C1QTNF7: variants seen among roughly 807,000 people sequenced by gnomAD.
The protein encoded by C1QTNF7 is C1q and TNF related 7.
A neutral mutation model predicts 19.6 loss-of-function variants in C1QTNF7; 15 were observed. The ratio of observed to expected loss-of-function variants is 0.76; its 90% confidence interval spans 0.51 to 1.18. The LOEUF (loss-of-function observed/expected upper bound fraction) is 1.18, where lower values mean the gene tolerates loss of function less well. Ranked by LOEUF, C1QTNF7 falls within the 50% of genes most tolerant of loss-of-function variation. The pLI, the probability that C1QTNF7 is intolerant of heterozygous loss-of-function variation, is 0.00. For synonymous variants in C1QTNF7, 142 were observed against 137.5 expected (o/e 1.03, Z -0.23); for missense variants, 324 against 359.7 (o/e 0.90, Z 0.80).
At position 15,440,691 on chromosome 4, in the gene C1QTNF7, T is replaced by C. The variant is rs139364754; in HGVS notation, c.239-1477T>C. ...AAAGTGCTGGGATTACAGGCGTGAG[T>C]CACTGCACCCAGCCCAGAAGCAAGT... On this transcript the variant is annotated intron_variant, in intron 2 of 2. Transcript: ENST00000444304. 3.1e-3 allele frequency among the ~76,000 whole-genome samples: 477 copies of C among 151,902 alleles called. 4 individuals carry two copies. The highest frequency in any genetic ancestry group is 4.1e-3 in the Non-Finnish European group (279 of 67,918).
At chr4:15,340,896 G>A (rs890922349) in intron 1 of C1QTNF7, among the ~76,000 whole-genome samples, 12 of 152,174 alleles carry the variant, frequency 7.9e-5, no homozygotes, top group African/African-American at 2.9e-4. Flanking sequence ...CACAGGTAGG[G>A]AGCAGCGAGG....
At chr4:15,436,688 C>T (rs772706022) in intron 2 of C1QTNF7, among the ~76,000 whole-genome samples, 48 of 152,252 alleles carry the variant, frequency 3.2e-4, no homozygotes, top group African/African-American at 4.8e-4. Context: ...TAAGTTGGTC[C>T]GGGAAGCTTG....
At chr4:15,415,143 C>A (rs1719550936) in intron 1 of C1QTNF7, among the ~76,000 whole-genome samples, 1 of 152,176 alleles carries the variant, frequency 6.6e-6, no homozygotes, top group African/African-American at 2.4e-5. Context: ...TGTCTAAAAT[C>A]CAAGACTCTT....
At chr4:15,387,048 A>G (rs1481259359) in intron 1 of C1QTNF7, among the ~76,000 whole-genome samples, 2 of 152,098 alleles carry the variant, frequency 1.3e-5, no homozygotes, top group Non-Finnish European at 2.9e-5. Context: ...GAAAGGAAGG[A>G]AGGTGGCAGC....
At chr4:15,356,427 A>T (rs1265197330) in intron 1 of C1QTNF7, among the ~76,000 whole-genome samples, 1 of 152,006 alleles carries the variant, frequency 6.6e-6, no homozygotes, top group African/African-American at 2.4e-5. Flanking sequence ...AAGGACATGA[A>T]CTCACCCTTT....
At chr4:15,436,426 G>A (rs1712540194) in intron 2 of C1QTNF7, among the ~76,000 whole-genome samples, 2 of 152,180 alleles carry the variant, frequency 1.3e-5, no homozygotes, top group Non-Finnish European at 2.9e-5. Flanking sequence ...ATTAAGCAGA[G>A]GCAAAAACCA....
intron 2 of C1QTNF7, among the ~76,000 whole-genome samples, chr4:15,440,370 G>T (rs185740954): frequency 1.2e-4 from 18 of 151,478 alleles, no homozygotes; most frequent in African/African-American, 4.4e-4. Context: ...GACTAAGAAG[G>T]CTTGGATTCT....
intron 1 of C1QTNF7, among the ~76,000 whole-genome samples, chr4:15,387,923 CT>C (rs1718401194): frequency 1.3e-5 from 2 of 152,068 alleles, no homozygotes; most frequent in African/African-American, 4.8e-5. Flanking sequence ...GAGAGGAGAA[CT>C]GCTCTAGTGA....
rs566252366 is a variant in C1QTNF7 at position 15,359,131 on chromosome 4, T to G, written c.13+18924T>G. ...CTCAATGGGCGGCTAGGCATAGGCA[T>G]GAGGAAGGTCAGGTGCTCACATTCC... On this transcript the variant is annotated intron_variant, in intron 1 of 2. Coordinates refer to the C1QTNF7 transcript ENST00000295297. Among the ~76,000 whole-genome samples, 6 of 152,200 alleles carry G rather than the reference T, an allele frequency of 3.9e-5. No individual in the cohort carries two copies. In the East Asian group the frequency reaches 7.7e-4, roughly 20 times the overall value.
intron 1 of C1QTNF7, among the ~76,000 whole-genome samples, chr4:15,410,443 T>C (rs1193935443): frequency 6.6e-6 from 1 of 152,210 alleles, no homozygotes; most frequent in African/African-American, 2.4e-5. Flanking sequence ...CTCTTAACAG[T>C]ATATTGTGAA....
chr4:15,430,176 T>C (rs1712240666), intron 1 of C1QTNF7, among the ~76,000 whole-genome samples: 1 of 152,174 alleles, frequency 6.6e-6, no homozygotes, highest in Non-Finnish European at 1.5e-5. Context: ...CTAACACAAA[T>C]TAAATTTTTT....
chr4:15,346,225 C>T (rs1051758594), intron 1 of C1QTNF7, among the ~76,000 whole-genome samples: 2 of 152,156 alleles, frequency 1.3e-5, no homozygotes, highest in Non-Finnish European at 2.9e-5. Context: ...AGAAATAAAG[C>T]ACTTTGCCTA....
chr4:15,419,549 A>C (rs1711639401), intron 1 of C1QTNF7, among the ~76,000 whole-genome samples: 1 of 152,218 alleles, frequency 6.6e-6, no homozygotes, highest in Admixed American at 6.5e-5. Context: ...GAACAAAAAT[A>C]ACAGAAAGAA....
At chr4:15,397,835 T>C (rs1718844702) in intron 1 of C1QTNF7, among the ~76,000 whole-genome samples, 1 of 152,214 alleles carries the variant, frequency 6.6e-6, no homozygotes, top group South Asian at 2.1e-4. Flanking sequence ...GGGAGATTCA[T>C]TAACAAATCA....
intron 1 of C1QTNF7, among the ~76,000 whole-genome samples, chr4:15,410,611 A>G (rs559339829): frequency 6.6e-6 from 1 of 152,316 alleles, no homozygotes; most frequent in East Asian, 1.9e-4. Context: ...GCTGCAATAA[A>G]CATCTTTGTA....
intron 1 of C1QTNF7, chr4:15,358,144 G>C (rs967852203): frequency 6.6e-6 from 1 of 152,106 alleles, no homozygotes; most frequent in African/African-American, 2.4e-5. Flanking sequence ...GTGAGAGAAG[G>C]CATTCTTGTC....
upstream of C1QTNF7, chr4:15,339,857 T>C: frequency 4.9e-6 from 2 of 407,066 alleles, no homozygotes; most frequent in Non-Finnish European, 8.9e-6. Context: ...TTAACTAGTG[T>C]ATATATTAAG....
At chr4:15,372,833 A>G (rs527639594) in intron 1 of C1QTNF7, among the ~76,000 whole-genome samples, 11 of 152,332 alleles carry the variant, frequency 7.2e-5, no homozygotes, top group African/African-American at 2.6e-4. Flanking sequence ...GGACAATTTG[A>G]GTCCTAAGAA....
chr4:15,377,297 A>G (rs994712311), intron 1 of C1QTNF7, among the ~76,000 whole-genome samples: 1 of 152,158 alleles, frequency 6.6e-6, no homozygotes, highest in Admixed American at 6.5e-5. Flanking sequence ...TTTCAGGGTT[A>G]TTTCCTATCT....
Sources: allele counts gnomAD v4.1 joint callset (sites outside exome capture counted in the v4.1 genomes callset), GRCh38; gene constraint gnomAD v4.1.1; transcripts MANE v1.5; gene names NCBI Gene and HGNC (gene_info 2026-07-23, HGNC 2026-07-21).